The following SLC24A2 variants were observed in gnomAD, a reference collection of about 807,000 sequenced individuals.
SLC24A2 encodes solute carrier family 24 member 2.
Under a neutral mutation model 62.0 loss-of-function variants are expected in SLC24A2, and 36 were observed. The observed-to-expected ratio is 0.58, with a 90% CI of 0.44 to 0.77. SLC24A2 has a LOEUF of 0.77. SLC24A2 is among the 30% of genes least tolerant of loss of function. The probability of loss-of-function intolerance (pLI) is 0.00; values close to 1 mark genes in which losing one functional copy is unlikely to be tolerated. For missense variants in SLC24A2, 846 were observed against 817.9 expected, an observed-to-expected ratio of 1.03 and a Z score of -0.42; for synonymous variants, 358 against 294.0, an observed-to-expected ratio of 1.22 and a Z score of -2.23.
At chr9:20,073,972 G>C in the SLC24A2 span, among the ~76,000 whole-genome samples, 2 of 148,882 alleles carry the variant, frequency 1.3e-5, no homozygotes, top group African/African-American at 5.0e-5. Flanking sequence ...ATATCCTTGT[G>C]GAGAAAATTA....
At chr9:19,733,220 T>G (rs1821391879) in intron 2 of SLC24A2, among the ~76,000 whole-genome samples, 1 of 152,176 alleles carries the variant, frequency 6.6e-6, no homozygotes, top group Non-Finnish European at 1.5e-5. Flanking sequence ...TCAGAGGCTC[T>G]GGATTTAGAA....
chr9:20,272,094 G>T, the SLC24A2 span, among the ~76,000 whole-genome samples: 1 of 152,192 alleles, frequency 6.6e-6, no homozygotes, highest in African/African-American at 2.4e-5. Flanking sequence ...CTAAATAATT[G>T]TCCTGCCTGA....
chr9:19,708,582 AG>A (rs1820609155), intron 2 of SLC24A2, among the ~76,000 whole-genome samples: 1 of 152,224 alleles, frequency 6.6e-6, no homozygotes, highest in Non-Finnish European at 1.5e-5. Context: ...AACAGAACAG[AG>A]CCCTTAGAAA....
At chr9:19,685,373 T>A (rs1345677712) in intron 2 of SLC24A2, among the ~76,000 whole-genome samples, 1 of 152,056 alleles carries the variant, frequency 6.6e-6, no homozygotes, top group East Asian at 1.9e-4. Flanking sequence ...TCTTATCAAA[T>A]TACCAATGAC....
the SLC24A2 span, among the ~76,000 whole-genome samples, chr9:19,962,160 G>A: frequency 6.6e-6 from 1 of 152,084 alleles, no homozygotes; most frequent in African/African-American, 2.4e-5. Context: ...TATGTGTTGG[G>A]CAGTGTGACT....
intron 2 of SLC24A2, among the ~76,000 whole-genome samples, chr9:19,725,419 T>C (rs1442738705): frequency 6.6e-6 from 1 of 152,192 alleles, no homozygotes; most frequent in Non-Finnish European, 1.5e-5. Flanking sequence ...TAGGTAAGAA[T>C]TTGGCTCAAC....
At chr9:20,003,733 C>T in the SLC24A2 span, among the ~76,000 whole-genome samples, 1 of 151,804 alleles carries the variant, frequency 6.6e-6, no homozygotes, top group African/African-American at 2.4e-5. Context: ...CAGCCATGGG[C>T]AATACAAAAA....
the SLC24A2 span, among the ~76,000 whole-genome samples, chr9:20,150,614 A>G: frequency 7.3e-6 from 1 of 137,028 alleles, no homozygotes; most frequent in African/African-American, 3.6e-5. Flanking sequence ...TAGCCTAAAA[A>G]TATAGTCAAG....
the SLC24A2 span, among the ~76,000 whole-genome samples, chr9:20,202,094 T>TGTGTGTGTGTGTG: frequency 6.8e-6 from 1 of 146,698 alleles, no homozygotes. Flanking sequence ...TGTGTGTGTG[T>TGTGTGTGTGTGTG]TCACACTCTA....
the SLC24A2 span, among the ~76,000 whole-genome samples, chr9:20,222,054 G>A: frequency 5.9e-5 from 9 of 152,088 alleles, 1 homozygote; most frequent in South Asian, 6.2e-4. Context: ...TGGGAGTGGG[G>A]GCATTGCTCA....
the SLC24A2 span, among the ~76,000 whole-genome samples, chr9:20,072,351 G>A: frequency 6.6e-6 from 1 of 152,184 alleles, no homozygotes; most frequent in African/African-American, 2.4e-5. Flanking sequence ...TGCCTTGAGT[G>A]GGTGAAAGGA....
chr9:19,570,725 TG>T (rs969572161), intron 7 of SLC24A2, among the ~76,000 whole-genome samples: 1 of 152,226 alleles, frequency 6.6e-6, no homozygotes, highest in Non-Finnish European at 1.5e-5. Flanking sequence ...AAGCAAGTAC[TG>T]TTGCTATCTG....
chr9:19,611,352 G>A (rs1409700230), intron 4 of SLC24A2, among the ~76,000 whole-genome samples: 1 of 150,972 alleles, frequency 6.6e-6, no homozygotes, highest in East Asian at 2.0e-4. Context: ...GAGGAAGGGA[G>A]GAAGGTGAGA....
At chr9:19,743,016 G>C (rs547123187) in intron 2 of SLC24A2, among the ~76,000 whole-genome samples, 27 of 152,140 alleles carry the variant, frequency 1.8e-4, no homozygotes, top group Non-Finnish European at 2.9e-4. Flanking sequence ...TTATGTTACT[G>C]TTTCGATGAC....
intron 2 of SLC24A2, among the ~76,000 whole-genome samples, chr9:19,629,137 G>A (rs1281213068): frequency 6.6e-6 from 1 of 152,080 alleles, no homozygotes; most frequent in African/African-American, 2.4e-5. Context: ...AGCTGATGGA[G>A]TTGGACAATT....
At chr9:19,808,182 G>A in the SLC24A2 span, among the ~76,000 whole-genome samples, 13 of 152,286 alleles carry the variant, frequency 8.5e-5, no homozygotes, top group African/African-American at 3.1e-4. This position sits in a 1 kb window ranked among gnomAD's most constrained non-coding sequence, Gnocchi z 4.1. Context: ...CATAGATTGT[G>A]CTGGAAGGTG....
chr9:20,302,151 T>C, the SLC24A2 span, among the ~76,000 whole-genome samples: 6 of 152,246 alleles, frequency 3.9e-5, no homozygotes, highest in African/African-American at 1.4e-4. Context: ...AAAGATATCC[T>C]GTTTCCAAGT....
At chr9:20,277,871 T>C in the SLC24A2 span, among the ~76,000 whole-genome samples, 3 of 152,070 alleles carry the variant, frequency 2.0e-5, no homozygotes, top group Non-Finnish European at 2.9e-5. Flanking sequence ...ATTAAGAAAA[T>C]ATGGCACATA....
chr9:19,606,802 G>A (rs1587026107), intron 4 of SLC24A2, among the ~76,000 whole-genome samples: 2 of 152,344 alleles, frequency 1.3e-5, no homozygotes, highest in Admixed American at 1.3e-4. Context: ...AGGACCGTTT[G>A]TTGTGGGTGG....
Sources: allele counts gnomAD v4.1 joint callset (sites outside exome capture counted in the v4.1 genomes callset), GRCh38; gene constraint gnomAD v4.1.1; non-coding constraint Gnocchi (gnomAD v3.1); transcripts MANE v1.5; gene names NCBI Gene and HGNC (gene_info 2026-07-23, HGNC 2026-07-21).